Variants in PCDH11X observed in about 807,000 individuals in gnomAD.
The protein encoded by PCDH11X is protocadherin 11 X-linked, also known as protocadherin-11 X-linked.
PCDH11X carries 18 observed loss-of-function variants against 53.3 expected under a neutral mutation model. The ratio of observed to expected loss-of-function variants is 0.34; its 90% CI spans 0.23 to 0.50. The LOEUF (loss-of-function observed/expected upper bound fraction) is 0.50. PCDH11X is among the 20% of genes least tolerant of loss of function. The probability of loss-of-function intolerance (pLI) is 0.98; values close to 1 mark genes in which losing one functional copy is unlikely to be tolerated. For synonymous variants in PCDH11X, 279 were observed against 393.3 expected, an observed-to-expected ratio of 0.71 and a Z score of 3.44; for missense variants, 570 against 1,032.4, an observed-to-expected ratio of 0.55 and a Z score of 6.14.
In PCDH11X at chrX:92,183,631, A is replaced by T. The variant is rs188451724; in HGVS notation, c.3034-17744A>T. Reference sequence around the variant, plus strand: ...GCCATCTCAGAGTAAATGTCAATGTATTTATAATGGTCTAAAAAACCCTAC... The same window carrying T: ...GCCATCTCAGAGTAAATGTCAATGTTTTTATAATGGTCTAAAAAACCCTAC... On this transcript the variant is annotated intron_variant, in intron 6 of 10. Transcript: ENST00000682573. Among the ~76,000 whole-genome samples, 343 of 112,313 alleles carry T rather than the reference A, an allele frequency of 3.1e-3. 3 individuals carry two copies. Among genetic ancestry groups the T allele is most frequent in the African/African-American group, 0.011 (333 of 30,956 alleles).
chrX:91,959,524 C>T (rs1269981470), intron 6 of PCDH11X, among the ~76,000 whole-genome samples: 1 of 108,009 alleles, frequency 9.3e-6, no homozygotes, highest in Non-Finnish European at 1.9e-5. Context: ...TTTTAGATTC[C>T]ATACGTAAAT....
chrX:92,435,938 A>G (rs2072359460), intron 9 of PCDH11X, among the ~76,000 whole-genome samples: 1 of 109,219 alleles, frequency 9.2e-6, no homozygotes, highest in African/African-American at 3.3e-5. Context: ...ACACATATCA[A>G]TACCAACATT....
intron 6 of PCDH11X, among the ~76,000 whole-genome samples, chrX:91,943,732 A>G (rs1452394636): frequency 8.2e-5 from 8 of 97,827 alleles, no homozygotes; most frequent in Non-Finnish European, 1.7e-4. Flanking sequence ...TAACAACACA[A>G]TCTTTAATCT....
intron 6 of PCDH11X, among the ~76,000 whole-genome samples, chrX:92,055,930 T>A (rs1298255007): frequency 9.0e-6 from 1 of 110,944 alleles, no homozygotes; most frequent in Non-Finnish European, 1.9e-5. Context: ...GTACCACATT[T>A]TCTTTACCCA....
chrX:92,366,368 C>A (rs2070472421), intron 8 of PCDH11X, among the ~76,000 whole-genome samples: 1 of 109,949 alleles, frequency 9.1e-6, no homozygotes, highest in African/African-American at 3.3e-5. Context: ...CTACCTGATT[C>A]TTCTCTCTTT....
intron 1 of PCDH11X, among the ~76,000 whole-genome samples, chrX:91,785,404 A>G (rs1317033725): frequency 9.2e-6 from 1 of 109,090 alleles, no homozygotes; most frequent in African/African-American, 3.3e-5. Context: ...TGTTTGTTTT[A>G]TTTTAACTGC....
intron 8 of PCDH11X, among the ~76,000 whole-genome samples, chrX:92,321,702 A>G (rs1375433203): frequency 9.0e-6 from 1 of 110,916 alleles, no homozygotes; most frequent in Non-Finnish European, 1.9e-5. Flanking sequence ...TATGATCTCA[A>G]TTTTAACATT....
intron 9 of PCDH11X, among the ~76,000 whole-genome samples, chrX:92,428,899 G>A (rs192834816): frequency 2.6e-4 from 29 of 110,893 alleles, no homozygotes; most frequent in African/African-American, 9.2e-4. Flanking sequence ...AAAGCAAGAG[G>A]GGATAACACT....
chrX:91,892,482 T>C (rs924601632), intron 6 of PCDH11X, among the ~76,000 whole-genome samples: 1 of 110,882 alleles, frequency 9.0e-6, no homozygotes, highest in Non-Finnish European at 1.9e-5. Context: ...TTGTTCATTC[T>C]ATCTCCTACC....
At chrX:92,162,476 G>A (rs1160208764) in intron 6 of PCDH11X, among the ~76,000 whole-genome samples, 2 of 111,500 alleles carry the variant, frequency 1.8e-5, no homozygotes, top group Non-Finnish European at 3.8e-5. Context: ...ACAGGTGTGA[G>A]CCACCGCTCC....
intron 6 of PCDH11X, among the ~76,000 whole-genome samples, chrX:91,928,958 C>T (rs1260332244): frequency 3.6e-5 from 4 of 110,662 alleles, no homozygotes; most frequent in African/African-American, 6.5e-5. Flanking sequence ...CATTTGTTTT[C>T]GTGTAGGTAA....
At chrX:91,975,873 G>A (rs1361932166) in intron 6 of PCDH11X, among the ~76,000 whole-genome samples, 1 of 110,417 alleles carries the variant, frequency 9.1e-6, no homozygotes, top group Non-Finnish European at 1.9e-5. Context: ...CTTAAGACTG[G>A]GAGTCACAAT....
intron 4 of PCDH11X, among the ~76,000 whole-genome samples, chrX:91,826,194 A>G (rs1287795530): frequency 1.8e-5 from 2 of 111,610 alleles, no homozygotes; most frequent in Non-Finnish European, 3.8e-5. Context: ...ATTGCTAAAT[A>G]GAGAAAACAT....
At chrX:92,492,644 T>C (rs2073786472) in intron 10 of PCDH11X, among the ~76,000 whole-genome samples, 1 of 108,956 alleles carries the variant, frequency 9.2e-6, no homozygotes. Context: ...GGGTGCACAA[T>C]TGTGGGAAAG....
At chrX:92,408,292 C>T (rs1469204925) in intron 9 of PCDH11X, among the ~76,000 whole-genome samples, 3 of 109,735 alleles carry the variant, frequency 2.7e-5, no homozygotes, top group African/African-American at 9.9e-5. Context: ...CATGTTTTAA[C>T]ATGTGTTTAT....
chrX:92,173,700 A>T (rs181338916), intron 6 of PCDH11X, among the ~76,000 whole-genome samples: 1 of 110,393 alleles, frequency 9.1e-6, no homozygotes. Context: ...CAAGGATGTA[A>T]TGAGAAAGTC....
chrX:91,845,143 G>T (rs1222000145), intron 5 of PCDH11X, among the ~76,000 whole-genome samples: 1 of 111,665 alleles, frequency 9.0e-6, no homozygotes, highest in Admixed American at 9.6e-5. Context: ...ATCATGCTTA[G>T]TTACAAACTA....
At chrX:91,856,927 T>C (rs1042002865) in intron 5 of PCDH11X, among the ~76,000 whole-genome samples, 1 of 111,995 alleles carries the variant, frequency 8.9e-6, no homozygotes, top group African/African-American at 3.3e-5. Context: ...TGCATGTATC[T>C]GTATCGTGCA....
chrX:92,382,343 C>T (rs930193698), intron 8 of PCDH11X, among the ~76,000 whole-genome samples: 18 of 110,751 alleles, frequency 1.6e-4, no homozygotes, highest in African/African-American at 4.6e-4. Flanking sequence ...GAACTCATGG[C>T]GTGTGCAAGG....
Sources: allele counts gnomAD v4.1 joint callset (sites outside exome capture counted in the v4.1 genomes callset), GRCh38; gene constraint gnomAD v4.1.1; transcripts MANE v1.5; gene names NCBI Gene and HGNC (gene_info 2026-07-23, HGNC 2026-07-21).